Variants in RBFOX3 observed in about 807,000 individuals in gnomAD.
RBFOX3 encodes the protein RNA binding fox-1 homolog 3.
RBFOX3 carries 17 observed loss-of-function variants against 48.7 expected under a neutral mutation model. That is an observed-to-expected ratio of 0.35 (90% CI 0.24 to 0.52). The LOEUF (loss-of-function observed/expected upper bound fraction) is 0.52. RBFOX3 is among the 20% of genes least tolerant of loss of function. RBFOX3 has a pLI of 0.94. For synonymous variants in RBFOX3, 212 were observed against 209.5 expected (o/e 1.01, Z -0.10); for missense variants, 382 against 497.5 (o/e 0.77, Z 2.21).
chr17:79,135,709 G>C (rs1238931346), intron 4 of RBFOX3, among the ~76,000 whole-genome samples: 2 of 152,178 alleles, frequency 1.3e-5, no homozygotes, highest in African/African-American at 4.8e-5. Context: ...ACCAGAAACT[G>C]TCCTCACCCA....
intron 2 of RBFOX3, among the ~76,000 whole-genome samples, chr17:79,386,816 C>T (rs796588164): frequency 1.3e-5 from 2 of 152,356 alleles, no homozygotes; most frequent in African/African-American, 4.8e-5. Flanking sequence ...CATGTCTCTA[C>T]CCACCCCGCC....
At chr17:79,399,847 C>A (rs895055443) in intron 2 of RBFOX3, among the ~76,000 whole-genome samples, 3 of 152,238 alleles carry the variant, frequency 2.0e-5, no homozygotes, top group African/African-American at 7.2e-5. Flanking sequence ...AGAATGCTGG[C>A]TTTCTCTCCA....
chr17:79,570,839 C>T (rs1317585416), intron 1 of RBFOX3, among the ~76,000 whole-genome samples: 6 of 152,140 alleles, frequency 3.9e-5, no homozygotes, highest in African/African-American at 1.4e-4. Context: ...GCCTGTGGGC[C>T]GGGCTGCTTT....
At chr17:79,343,925 C>T (rs2082477145) in intron 2 of RBFOX3, among the ~76,000 whole-genome samples, 1 of 152,170 alleles carries the variant, frequency 6.6e-6, no homozygotes, top group South Asian at 2.1e-4. Flanking sequence ...CACAGGTCGG[C>T]TGCATGCACA....
At chr17:79,097,853 C>A in intron 9 of RBFOX3, 108 bp from the exon 10 acceptor site, 4 of 1,218,636 alleles carry the variant, frequency 3.3e-6, no homozygotes, top group Non-Finnish European at 3.5e-6. Context: ...GGGAACATTC[C>A]CAGGGCGCCT....
chr17:79,299,616 G>T lies in RBFOX3; in HGVS notation c.-74+8108C>A, dbSNP rs1170613489. ...GGTTTGAGCATCGTCAGATCGTGGG[G>T]TTTTTGGAACTAACCCCCTGAGGAT... is the stretch of plus-strand genomic sequence containing the variant. On this transcript the variant is annotated intron_variant, in intron 3 of 14. Transcript: ENST00000693108. The surrounding 1 kb of genome is among the most constrained non-coding windows in gnomAD (Gnocchi z 4.5). Among the ~76,000 whole-genome samples, 1 of 152,156 alleles carries T rather than the reference G, an allele frequency of 6.6e-6. No individual in the cohort carries two copies. The highest frequency in any genetic ancestry group is 1.9e-4 in the East Asian group (1 of 5,182).
intron 2 of RBFOX3, among the ~76,000 whole-genome samples, chr17:79,429,750 A>G (rs1555727458): frequency 2.0e-5 from 3 of 152,176 alleles, no homozygotes. Context: ...CGTCGGGGCC[A>G]CATGCTTCCT....
At chr17:79,416,130 G>A (rs139162575) in intron 2 of RBFOX3, among the ~76,000 whole-genome samples, 66 of 152,332 alleles carry the variant, frequency 4.3e-4, no homozygotes, top group Middle Eastern at 3.4e-3. Flanking sequence ...CTGCCCACAG[G>A]TGCCCCCACA....
intron 1 of RBFOX3, among the ~76,000 whole-genome samples, chr17:79,563,266 T>C (rs914103451): frequency 6.6e-6 from 1 of 150,448 alleles, no homozygotes; most frequent in Non-Finnish European, 1.5e-5. Flanking sequence ...GAATGTTCAA[T>C]GAGAAGGAAG....
At chr17:79,437,619 C>G (rs1382225958) in intron 2 of RBFOX3, among the ~76,000 whole-genome samples, 1 of 152,270 alleles carries the variant, frequency 6.6e-6, no homozygotes, top group Non-Finnish European at 1.5e-5. Context: ...GGGAGGCAGA[C>G]AGATCCATGT....
Position 79,254,806 on chromosome 17 carries a change from T to A in RBFOX3, c.-73-19001A>T, listed in dbSNP as rs2064511241. ...GCTGGGCATGAGAGGGGTCCCAGAA[T>A]GTCTGGAAGTGCTGGATGGCCCAGG... is the stretch of plus-strand genomic sequence containing the variant. On this transcript the variant is annotated intron_variant, in intron 3 of 14. Transcript: ENST00000693108. This position sits in a 1 kb window ranked among gnomAD's most constrained non-coding sequence, Gnocchi z 4.8. 6.6e-6 allele frequency among the ~76,000 whole-genome samples: 1 copy of A among 152,188 alleles called. No homozygotes were observed. Among genetic ancestry groups the A allele is most frequent in the East Asian group, 1.9e-4 (1 of 5,182 alleles).
chr17:79,338,428 A>C (rs2081537024), intron 2 of RBFOX3, among the ~76,000 whole-genome samples: 1 of 152,016 alleles, frequency 6.6e-6, no homozygotes, highest in African/African-American at 2.4e-5. Flanking sequence ...AGTTTGTGAA[A>C]TTTCTGTCTT....
intron 4 of RBFOX3, among the ~76,000 whole-genome samples, chr17:79,227,582 C>T (rs530626814): frequency 7.9e-4 from 121 of 152,338 alleles, no homozygotes; most frequent in South Asian, 2.1e-3. Flanking sequence ...CGCTCATTCC[C>T]GGCTGGCTGG....
intron 14 of RBFOX3, chr17:79,092,687 GAA>G: frequency 1.1e-6 from 1 of 917,810 alleles, no homozygotes; most frequent in Non-Finnish European, 1.3e-6. Context: ...CCGTCTTTTG[GAA>G]GAGGGGAAAA....
intron 2 of RBFOX3, among the ~76,000 whole-genome samples, chr17:79,380,009 C>A (rs968150086): frequency 2.0e-5 from 3 of 152,180 alleles, no homozygotes; most frequent in African/African-American, 7.2e-5. Flanking sequence ...GCTTCTCTTC[C>A]AAATTCTTCC....
rs1006831252 is a variant in RBFOX3, at chr17:79,212,774, T to G, written c.-34+22992A>C. 2.6e-5 allele frequency among the ~76,000 whole-genome samples: 4 copies of G among 152,078 alleles called. No individual in the cohort carries two copies. Among genetic ancestry groups the G allele is most frequent in the African/African-American group, 9.7e-5 (4 of 41,400 alleles). ...GGGAGGGGCGGGGAATGGGAGAAAG[T>G]GCCTGGCTCTAAACAGAAGCCAGGC... On this transcript the variant is annotated intron_variant, in intron 4 of 14. Coordinates refer to ENST00000693108, the MANE Select transcript of RBFOX3 (RefSeq NM_001350451.2). This position sits in a 1 kb window ranked among gnomAD's most constrained non-coding sequence, Gnocchi z 4.7.
At chr17:79,583,221 T>C (rs2093135790) in intron 1 of RBFOX3, among the ~76,000 whole-genome samples, 1 of 152,214 alleles carries the variant, frequency 6.6e-6, no homozygotes, top group African/African-American at 2.4e-5. Context: ...AGCTTCCTCC[T>C]GGTAAAGCAG....
chr17:79,540,273 C>T (rs1599088961), intron 1 of RBFOX3, among the ~76,000 whole-genome samples: 1 of 152,256 alleles, frequency 6.6e-6, no homozygotes, highest in South Asian at 2.1e-4. Flanking sequence ...TCAAACTCAT[C>T]CTGCTGAGAG....
chr17:79,592,295 T>C (rs887646991), intron 1 of RBFOX3, among the ~76,000 whole-genome samples: 3 of 150,880 alleles, frequency 2.0e-5, no homozygotes, highest in Non-Finnish European at 4.4e-5. Context: ...AATATTGTTG[T>C]GTGTGCACAT....
Sources: allele counts gnomAD v4.1 joint callset (sites outside exome capture counted in the v4.1 genomes callset), GRCh38; gene constraint gnomAD v4.1.1; non-coding constraint Gnocchi (gnomAD v3.1); transcripts MANE v1.5; gene names NCBI Gene and HGNC (gene_info 2026-07-23, HGNC 2026-07-21).